The following PRPSAP2 variants were observed in gnomAD, a reference collection of about 807,000 sequenced individuals.
The protein encoded by PRPSAP2 is phosphoribosyl pyrophosphate synthetase associated protein 2, also known as phosphoribosyl pyrophosphate synthase-associated protein 2.
In PRPSAP2, 24 loss-of-function variants were observed where a neutral mutation model predicts 40.6. The observed-to-expected ratio is 0.59, with a 90% CI of 0.43 to 0.83. The LOEUF (loss-of-function observed/expected upper bound fraction) is 0.83, where lower values mean the gene tolerates loss of function less well. PRPSAP2 is among the 40% of genes least tolerant of loss of function. The probability of loss-of-function intolerance (pLI) is 0.00; values close to 1 mark genes in which losing one functional copy is unlikely to be tolerated. For synonymous variants in PRPSAP2, 149 were observed against 164.7 expected (o/e 0.90, Z 0.73); for missense variants, 292 against 465.6 (o/e 0.63, Z 3.43).
At chr17:18,898,317 T>A (rs1471638333) in intron 8 of PRPSAP2, among the ~76,000 whole-genome samples, 1 of 152,144 alleles carries the variant, frequency 6.6e-6, no homozygotes, top group African/African-American at 2.4e-5. Flanking sequence ...CTTTTAAACA[T>A]CAAACATAAT....
intron 8 of PRPSAP2, among the ~76,000 whole-genome samples, chr17:18,896,066 C>T (rs536907311): frequency 1.7e-4 from 26 of 152,240 alleles, no homozygotes; most frequent in Non-Finnish European, 2.5e-4. Flanking sequence ...CCACCATGCC[C>T]GGCCCATATT....
chr17:18,877,803 G>A lies in PRPSAP2; in HGVS notation c.345G>A (p.Lys115=). The part of the protein sequence containing the change: ...IGVIPYFPYS[K]QCKMRKRGSI... ...TGATACCCTACTTTCCTTACAGCAA[G>A]CAGTGCAAGATGAGAAAAAGAGGCT... The change falls in exon 6 of 12, where the codon AAG becomes AAA. Residue 115 remains lysine (K), a synonymous_variant. Transcript: ENST00000268835. 2 of 1,613,886 alleles carry A rather than the reference G, an allele frequency of 1.2e-6. 1 individual carries two copies. The highest frequency in any genetic ancestry group is 2.2e-5 in the South Asian group (2 of 91,070).
At position 18,877,745 on chromosome 17, in the gene PRPSAP2, G is replaced by A; in HGVS notation, c.287G>A (p.Cys96Tyr). The change falls in exon 6 of 12, where the codon TGT (cysteine) becomes TAT (tyrosine). Residue 96 changes from cysteine (C) to tyrosine (Y), a missense_variant. Physicochemically the swap from Cys to Tyr is radical, Grantham distance 194. This residue lies in a region of PRPSAP2 where 241 missense variants were observed against 425.7 expected (regional missense o/e 0.57). Coordinates refer to ENST00000268835, the MANE Select transcript of PRPSAP2 (RefSeq NM_002767.4). ...GAGCTCCTGATCATGGTGTATGCATGTAAGACCTCTTGTGCCAAGAGCATC... is the reference window on the plus strand; with the variant it reads ...GAGCTCCTGATCATGGTGTATGCATATAAGACCTCTTGTGCCAAGAGCATC... ...IMELLIMVYA[C>Y]KTSCAKSIIG... 3 of 1,613,952 alleles carry A rather than the reference G, an allele frequency of 1.9e-6. No individual in the cohort carries two copies. Among genetic ancestry groups the A allele is most frequent in the Non-Finnish European group, 2.5e-6 (3 of 1,179,976 alleles).
chr17:18,895,814 C>T (rs915031558), intron 8 of PRPSAP2, among the ~76,000 whole-genome samples: 6 of 151,748 alleles, frequency 4.0e-5, no homozygotes, highest in Admixed American at 6.6e-5. Context: ...TTAGTAGAGA[C>T]GGGATTTCAC....
chr17:18,872,716 A>T, intron 5 of PRPSAP2, 67 bp downstream of exon 5: 1 of 1,219,470 alleles, frequency 8.2e-7, no homozygotes, highest in Non-Finnish European at 1.2e-6. Context: ...AAATAATGAT[A>T]GATGGCTAGC....
intron 7 of PRPSAP2, among the ~76,000 whole-genome samples, chr17:18,885,567 A>T (rs1597605864): frequency 6.6e-6 from 1 of 151,766 alleles, no homozygotes; most frequent in East Asian, 1.9e-4. Flanking sequence ...GGGTTCAAGC[A>T]AGCATATCTG....
chr17:18,918,499 A>G (rs1362419540), intron 9 of PRPSAP2, among the ~76,000 whole-genome samples: 1 of 152,222 alleles, frequency 6.6e-6, no homozygotes, highest in Non-Finnish European at 1.5e-5. Flanking sequence ...ATGGACTAAG[A>G]TAGCAGTATC....
chr17:18,875,335 G>A (rs1399826362), intron 5 of PRPSAP2, among the ~76,000 whole-genome samples: 2 of 152,044 alleles, frequency 1.3e-5, no homozygotes, highest in Admixed American at 6.6e-5. Flanking sequence ...AGGTCGAGGT[G>A]GGCATATCAG....
chr17:18,864,212 C>T (rs969420763), intron 1 of PRPSAP2, among the ~76,000 whole-genome samples: 5 of 151,804 alleles, frequency 3.3e-5, no homozygotes, highest in African/African-American at 9.7e-5. Context: ...TTATGTTGTC[C>T]CTACCAAACT....
At chr17:18,908,801 C>A in intron 8 of PRPSAP2, 2 of 720,390 alleles carry the variant, frequency 2.8e-6, no homozygotes, top group Non-Finnish European at 5.1e-6. Flanking sequence ...AAAAAAGTGG[C>A]GGAAAAGCTA....
chr17:18,892,473 A>G (rs906895246), intron 8 of PRPSAP2, among the ~76,000 whole-genome samples: 1 of 152,064 alleles, frequency 6.6e-6, no homozygotes, highest in Non-Finnish European at 1.5e-5. Context: ...CAACTTCTCC[A>G]CATCTTCACC....
intron 1 of PRPSAP2, among the ~76,000 whole-genome samples, chr17:18,860,023 C>T (rs374577507): frequency 3.3e-5 from 5 of 151,656 alleles, no homozygotes; most frequent in South Asian, 4.2e-4. Context: ...GGATTACAAG[C>T]GTGAGCCACC....
upstream of PRPSAP2, among the ~76,000 whole-genome samples, chr17:18,856,734 T>C (rs1384515133): frequency 6.6e-6 from 1 of 152,192 alleles, no homozygotes; most frequent in Non-Finnish European, 1.5e-5. Context: ...GTGCAAAGCC[T>C]CCTGGGTCGA....
chr17:18,902,107 C>T (rs1337383852), intron 8 of PRPSAP2, among the ~76,000 whole-genome samples: 1 of 152,092 alleles, frequency 6.6e-6, no homozygotes, highest in Non-Finnish European at 1.5e-5. Context: ...TTTTCTTTCC[C>T]ACTAAATACC....
chr17:18,896,158 A>C (rs1026425797), intron 8 of PRPSAP2, among the ~76,000 whole-genome samples: 1 of 152,190 alleles, frequency 6.6e-6, no homozygotes, highest in African/African-American at 2.4e-5. Context: ...TGAGCATCAG[A>C]TTCTACCTCC....
chr17:18,859,371 T>G (rs1275408212), intron 1 of PRPSAP2: 4 of 152,238 alleles, frequency 2.6e-5, no homozygotes, highest in African/African-American at 9.6e-5. Flanking sequence ...GTTTTCTGTG[T>G]GGGTTGAGAG....
At chr17:18,866,198 G>A (rs2151883100) in intron 3 of PRPSAP2, among the ~76,000 whole-genome samples, 1 of 151,924 alleles carries the variant, frequency 6.6e-6, no homozygotes, top group Admixed American at 6.6e-5. Context: ...TCTTTCAGCA[G>A]ACATTTATTG....
chr17:18,899,535 T>TTTG (rs2040138057), intron 8 of PRPSAP2, among the ~76,000 whole-genome samples: 2 of 142,568 alleles, frequency 1.4e-5, no homozygotes, highest in South Asian at 4.8e-4. Context: ...TTTTTTTTTT[T>TTTG]TTTTTTTTTT....
At chr17:18,917,966 C>G (rs1476470544) in intron 9 of PRPSAP2, among the ~76,000 whole-genome samples, 29 of 152,008 alleles carry the variant, frequency 1.9e-4, no homozygotes, top group Non-Finnish European at 3.4e-4. Context: ...TAAGGGACTT[C>G]AGGAACTCAA....
Sources: allele counts gnomAD v4.1 joint callset (sites outside exome capture counted in the v4.1 genomes callset), GRCh38; gene constraint gnomAD v4.1.1; regional missense constraint gnomAD v4.1.1; transcripts MANE v1.5; gene names NCBI Gene and HGNC (gene_info 2026-07-23, HGNC 2026-07-21).